The following OPCML variants were observed in gnomAD, a reference collection of about 807,000 sequenced individuals.
The protein encoded by OPCML is opioid-binding protein/cell adhesion molecule.
OPCML carries 13 observed loss-of-function variants against 37.8 expected under a neutral mutation model. The ratio of observed to expected loss-of-function variants is 0.34; its 90% CI spans 0.22 to 0.55. The LOEUF (loss-of-function observed/expected upper bound fraction) is 0.55, where lower values mean the gene tolerates loss of function less well. Ranked by LOEUF, OPCML falls within the 20% of genes least tolerant of loss-of-function variation. The pLI is 0.91. For missense variants in OPCML, 341 were observed against 435.6 expected, an observed-to-expected ratio of 0.78 and a Z score of 1.93; for synonymous variants, 176 against 168.8, an observed-to-expected ratio of 1.04 and a Z score of -0.33.
At chr11:132,616,007 A>G (rs1296661976) in intron 3 of OPCML, among the ~76,000 whole-genome samples, 1 of 152,200 alleles carries the variant, frequency 6.6e-6, no homozygotes, top group African/African-American at 2.4e-5. Flanking sequence ...AGGTCTGTTT[A>G]TGACTACCTG....
chr11:133,075,678 A>G (rs1201298873), intron 1 of OPCML, among the ~76,000 whole-genome samples: 2 of 152,178 alleles, frequency 1.3e-5, no homozygotes, highest in East Asian at 3.9e-4. Context: ...TTTAATCAGG[A>G]GGAAGAAATT....
chr11:133,343,694 C>T (rs1002994935), intron 1 of OPCML, among the ~76,000 whole-genome samples: 1 of 152,168 alleles, frequency 6.6e-6, no homozygotes, highest in African/African-American at 2.4e-5. Context: ...CTACCTAGCA[C>T]TGTAATGGAT....
chr11:133,189,021 C>A (rs1259080666), intron 1 of OPCML, among the ~76,000 whole-genome samples: 8 of 152,072 alleles, frequency 5.3e-5, no homozygotes, highest in Non-Finnish European at 2.9e-5. Context: ...TGTCCCCTGC[C>A]ACTCCCCACT....
intron 1 of OPCML, among the ~76,000 whole-genome samples, chr11:132,984,089 A>C (rs562921494): frequency 6.6e-6 from 1 of 152,156 alleles, no homozygotes. Context: ...ATCTGCTTCC[A>C]ATGGGCTTTA....
intron 1 of OPCML, among the ~76,000 whole-genome samples, chr11:133,145,521 T>C (rs1383223731): frequency 6.6e-6 from 1 of 152,152 alleles, no homozygotes; most frequent in Non-Finnish European, 1.5e-5. Context: ...TTTGATAAGG[T>C]CACAGTGTTG....
At chr11:132,955,713 C>T (rs942521651) in intron 1 of OPCML, among the ~76,000 whole-genome samples, 8 of 152,006 alleles carry the variant, frequency 5.3e-5, no homozygotes, top group African/African-American at 1.9e-4. Context: ...GAAACCCCAC[C>T]TCAACTAAAA....
chr11:132,475,419 C>T (rs1005272070), intron 4 of OPCML, among the ~76,000 whole-genome samples: 8 of 152,204 alleles, frequency 5.3e-5, no homozygotes, highest in Admixed American at 2.6e-4. Flanking sequence ...TTCTAACCTC[C>T]AGCATCTCAG....
intron 2 of OPCML, among the ~76,000 whole-genome samples, chr11:132,695,242 A>G (rs957281775): frequency 1.3e-5 from 2 of 152,184 alleles, no homozygotes; most frequent in Admixed American, 6.5e-5. Flanking sequence ...TTGCCTGTCC[A>G]TTTTGGGAGT....
chr11:132,896,253 A>C (rs1271106783), intron 2 of OPCML, among the ~76,000 whole-genome samples: 2 of 152,192 alleles, frequency 1.3e-5, no homozygotes, highest in African/African-American at 4.8e-5. Flanking sequence ...ACTCGGACAC[A>C]CCAGGAGGGT....
At chr11:132,656,724 A>T (rs913505446) in intron 3 of OPCML, among the ~76,000 whole-genome samples, 1 of 152,212 alleles carries the variant, frequency 6.6e-6, no homozygotes, top group Non-Finnish European at 1.5e-5. Context: ...TTTATCATGA[A>T]ATAAGCCTAT....
chr11:132,657,715 T>C (rs751877083), intron 2 of OPCML, among the ~76,000 whole-genome samples: 1 of 152,190 alleles, frequency 6.6e-6, no homozygotes, highest in Non-Finnish European at 1.5e-5. Context: ...AGGTCACAGA[T>C]AACCCACAAA....
chr11:133,414,036 G>A (rs1565621473), intron 1 of OPCML, among the ~76,000 whole-genome samples: 1 of 152,144 alleles, frequency 6.6e-6, no homozygotes, highest in Non-Finnish European at 1.5e-5. Flanking sequence ...TTAGAGCCAG[G>A]CAGGTTTAAG....
At chr11:133,488,368 G>T (rs1201924375) in intron 1 of OPCML, among the ~76,000 whole-genome samples, 1 of 151,982 alleles carries the variant, frequency 6.6e-6, no homozygotes, top group Non-Finnish European at 1.5e-5. Context: ...GAAAACTCTA[G>T]ATACCACCAA....
At chr11:132,941,446 T>C (rs1364793384) in intron 2 of OPCML, among the ~76,000 whole-genome samples, 1 of 152,210 alleles carries the variant, frequency 6.6e-6, no homozygotes, top group Non-Finnish European at 1.5e-5. Flanking sequence ...ACTGGTAATA[T>C]TTACTGACAT....
intron 1 of OPCML, chr11:133,006,896 G>A (rs1312504758): frequency 2.0e-6 from 2 of 985,310 alleles, no homozygotes; most frequent in Non-Finnish European, 2.4e-6. Context: ...TACCTGTCAT[G>A]GGGCCACCTA....
At chr11:133,529,985 T>C (rs1948571099) in intron 1 of OPCML, among the ~76,000 whole-genome samples, 3 of 152,168 alleles carry the variant, frequency 2.0e-5, no homozygotes, top group Non-Finnish European at 4.4e-5. Context: ...ACCGGGCTCC[T>C]GACACAATTA....
chr11:133,099,208 T>C (rs899880500), intron 1 of OPCML, among the ~76,000 whole-genome samples: 2 of 151,862 alleles, frequency 1.3e-5, no homozygotes, highest in Admixed American at 1.3e-4. Flanking sequence ...ATATTTCATG[T>C]TCATAAATAG....
intron 7 of OPCML, among the ~76,000 whole-genome samples, chr11:132,427,995 T>C (rs919175869): frequency 1.4e-4 from 21 of 152,208 alleles, no homozygotes; most frequent in African/African-American, 4.1e-4. Flanking sequence ...TGGATTTAAA[T>C]TGTGGAGTTG....
chr11:132,689,132 G>C (rs1342807582), intron 2 of OPCML, among the ~76,000 whole-genome samples: 1 of 152,088 alleles, frequency 6.6e-6, no homozygotes, highest in Non-Finnish European at 1.5e-5. Context: ...GTGAGGCAGG[G>C]CTCCATAATT....
Sources: gnomAD v4.1 joint callset for allele counts (sites outside exome capture counted in the v4.1 genomes callset) on GRCh38, gnomAD v4.1.1 for gene constraint, MANE v1.5 for transcripts, NCBI Gene and HGNC (gene_info 2026-07-23, HGNC 2026-07-21) for gene names.